Variants in RGS17 observed in about 807,000 individuals in gnomAD.
RGS17 encodes regulator of G-protein signaling 17.
In RGS17, 12 loss-of-function variants were observed where a neutral mutation model predicts 25.5. That is an observed-to-expected ratio of 0.47 (90% CI 0.30 to 0.76). RGS17 has a LOEUF of 0.76. RGS17 is among the 30% of genes least tolerant of loss of function. The pLI is 0.07. For missense variants in RGS17, 196 were observed against 242.2 expected (o/e 0.81, Z 1.27); for synonymous variants, 71 against 76.9 (o/e 0.92, Z 0.40).
At chr6:153,128,971 T>C (rs1310358851) in intron 1 of RGS17, among the ~76,000 whole-genome samples, 1 of 152,204 alleles carries the variant, frequency 6.6e-6, no homozygotes, top group African/African-American at 2.4e-5. Context: ...TCAATCAGCA[T>C]AACAGACACC....
At chr6:153,069,246 T>C (rs1212645262) in intron 1 of RGS17, among the ~76,000 whole-genome samples, 1 of 152,154 alleles carries the variant, frequency 6.6e-6, no homozygotes, top group African/African-American at 2.4e-5. Context: ...ATGGTACATA[T>C]ACACAATGGA....
At chr6:153,118,054 C>A (rs572038875) in intron 1 of RGS17, among the ~76,000 whole-genome samples, 1 of 152,170 alleles carries the variant, frequency 6.6e-6, no homozygotes, top group South Asian at 2.1e-4. Flanking sequence ...ATGAGAAAGA[C>A]TGGGGGACAG....
intron 1 of RGS17, among the ~76,000 whole-genome samples, chr6:153,121,631 A>G (rs1777632674): frequency 6.6e-6 from 1 of 152,236 alleles, no homozygotes; most frequent in Admixed American, 6.5e-5. Flanking sequence ...AAAAATAAAA[A>G]GCTTATCATA....
chr6:153,055,813 GA>G (rs1776546442), intron 1 of RGS17, among the ~76,000 whole-genome samples: 1 of 152,184 alleles, frequency 6.6e-6, no homozygotes, highest in Admixed American at 6.5e-5. Flanking sequence ...TCCAAGAAAT[GA>G]GGGGAAATTC....
intron 1 of RGS17, among the ~76,000 whole-genome samples, chr6:153,126,029 G>C (rs923832101): frequency 1.3e-5 from 2 of 152,152 alleles, no homozygotes; most frequent in East Asian, 3.8e-4. Context: ...TACAGAGCTC[G>C]TTAAGGTAAC....
At chr6:153,016,718 T>C (rs1005452709) in intron 4 of RGS17, among the ~76,000 whole-genome samples, 4 of 152,220 alleles carry the variant, frequency 2.6e-5, no homozygotes, top group Non-Finnish European at 4.4e-5. Flanking sequence ...TATCAGGTTG[T>C]TTGTCTGAAA....
rs536864325 is a variant in RGS17, at chr6:153,106,914, G to A, written c.-26+24210C>T. Among the ~76,000 whole-genome samples the A allele has an allele frequency of 5.5e-4, 83 of 151,902 alleles. 1 individual carries two copies. Among genetic ancestry groups the A allele is most frequent in the African/African-American group, 1.9e-3 (77 of 41,472 alleles). ...CTCCCAAAGTACTGGGATTATAGGC[G>A]TCAGCCACCGTGCCTGGCTGTATGT... On this transcript the variant is annotated intron_variant, in intron 1 of 4. Coordinates refer to ENST00000206262, the MANE Select transcript of RGS17 (RefSeq NM_012419.5).
intron 1 of RGS17, among the ~76,000 whole-genome samples, chr6:153,093,152 C>A (rs9397586): frequency 0.42 from 63,284 of 152,010 alleles, 13,982 homozygotes; most frequent in East Asian, 0.84. Flanking sequence ...TCATTTGATT[C>A]TAATTTTGAA....
chr6:153,093,108 CTTTTATT>C (rs1777156091), intron 1 of RGS17, among the ~76,000 whole-genome samples: 1 of 152,090 alleles, frequency 6.6e-6, no homozygotes, highest in Non-Finnish European at 1.5e-5. Flanking sequence ...TTGAAACATT[CTTTTATT>C]TTTTAAGATA....
intron 1 of RGS17, among the ~76,000 whole-genome samples, chr6:153,073,679 A>G (rs1338534780): frequency 1.3e-4 from 20 of 152,058 alleles, no homozygotes; most frequent in Admixed American, 1.1e-3. Flanking sequence ...AGCTGTGAAT[A>G]TAGGTAGGTC....
chr6:153,073,625 T>C lies in RGS17; in HGVS notation c.-25-29582A>G, dbSNP rs190723339. Among the ~76,000 whole-genome samples the C allele has an allele frequency of 1.6e-3, 237 of 152,194 alleles. 5 individuals carry two copies. Among genetic ancestry groups the C allele is most frequent in the Admixed American group, 0.015 (228 of 15,254 alleles). On this transcript the variant is annotated intron_variant, in intron 1 of 4. Coordinates refer to ENST00000206262, the MANE Select transcript of RGS17 (RefSeq NM_012419.5). ...CAAGGAGAGAAAGTAGTTAACAGAA[T>C]CTAGTGACAGAGAGGGATGGGTGGA...
At chr6:153,038,210 TTATC>T (rs1776276340) in intron 2 of RGS17, among the ~76,000 whole-genome samples, 1 of 152,174 alleles carries the variant, frequency 6.6e-6, no homozygotes, top group Admixed American at 6.5e-5. Context: ...TGCCACCTCT[TTATC>T]TACAATTTCT....
intron 1 of RGS17, among the ~76,000 whole-genome samples, chr6:153,104,890 A>G (rs116206844): frequency 0.012 from 1,816 of 151,872 alleles, 45 homozygotes; most frequent in African/African-American, 0.04. Flanking sequence ...AAGAAAAAGG[A>G]GATAAGAAAG....
chr6:153,062,726 A>C (rs919506621), intron 1 of RGS17, among the ~76,000 whole-genome samples: 1 of 152,094 alleles, frequency 6.6e-6, no homozygotes, highest in Admixed American at 6.6e-5. Context: ...GTTCCAAAAT[A>C]GATACCTTCT....
chr6:153,040,077 A>ATGCCCTGGATTAGGGCATCCATTCCT (rs35364459), intron 2 of RGS17, among the ~76,000 whole-genome samples: 106 of 151,968 alleles, frequency 7.0e-4, no homozygotes, highest in African/African-American at 2.5e-3. Context: ...TGTCCATTTT[A>ATGCCCTGGATTAGGGCATCCATTCCT]TGTGTATTTA....
chr6:153,083,493 G>A (rs1174097864), intron 1 of RGS17, among the ~76,000 whole-genome samples: 4 of 152,124 alleles, frequency 2.6e-5, no homozygotes, highest in Non-Finnish European at 5.9e-5. Context: ...TTTCCTAACA[G>A]GCAAGCTTGC....
intron 1 of RGS17, among the ~76,000 whole-genome samples, chr6:153,104,533 T>C (rs180966359): frequency 1.4e-4 from 21 of 152,298 alleles, no homozygotes; most frequent in Non-Finnish European, 3.1e-4. Context: ...AATGTATCTG[T>C]TGGATACATA....
rs150563901 is a variant in RGS17 at position 153,006,415 on chromosome 6, C to CATCTATCTATCTATCATCT, written c.*5158_*5159insAGATGATAGATAGATAGAT. Reference sequence around the variant, plus strand: ...AACCTATAATTGTATATCCATTTATCATCTATCTATCATCTATCTATCAAT... The same window carrying CATCTATCTATCTATCATCT: ...AACCTATAATTGTATATCCATTTATCATCTATCTATCTATCATCTATCTATCTATCATCTATCTATCAAT... On this transcript the variant is annotated 3_prime_UTR_variant, in exon 5 of 5. Coordinates refer to ENST00000206262, the MANE Select transcript of RGS17 (RefSeq NM_012419.5). 2.0e-5 allele frequency: 3 copies of CATCTATCTATCTATCATCT among 151,856 alleles called. No individual in the cohort carries two copies. The highest frequency in any genetic ancestry group is 7.3e-5 in the African/African-American group (3 of 41,240). 9.4% of individuals were successfully genotyped at this position (151,856 alleles called of 1,614,324 possible).
At chr6:153,073,764 T>G (rs897396000) in intron 1 of RGS17, among the ~76,000 whole-genome samples, 4 of 152,172 alleles carry the variant, frequency 2.6e-5, no homozygotes, top group African/African-American at 9.6e-5. Flanking sequence ...TTTCATCTCC[T>G]GTCAGTGCTT....
Sources: gnomAD v4.1 joint callset for allele counts (sites outside exome capture counted in the v4.1 genomes callset) on GRCh38, gnomAD v4.1.1 for gene constraint, MANE v1.5 for transcripts, NCBI Gene and HGNC (gene_info 2026-07-23, HGNC 2026-07-21) for gene names.